NEK1: variants seen among roughly 807,000 people sequenced by gnomAD.
NEK1 encodes the protein serine/threonine-protein kinase Nek1.
NEK1 carries 137 observed loss-of-function variants against 182.1 expected under a neutral mutation model. The observed-to-expected ratio is 0.75, with a 90% CI of 0.65 to 0.87. The LOEUF is 0.87. Among genes scored for constraint, NEK1 ranks in the 40% least tolerant of loss-of-function variants. The pLI is 0.00. For missense variants in NEK1, 1,391 were observed against 1,494.4 expected (o/e 0.93, Z 1.14); for synonymous variants, 513 against 492.2 (o/e 1.04, Z -0.56).
chr4:169,426,174 A>G lies in NEK1; in HGVS notation c.2946T>C (p.Thr982=), dbSNP rs903529685. The change falls in exon 30 of 36, where the codon ACT becomes ACC. Residue 982 remains threonine, a synonymous_variant. Transcript: ENST00000507142. ...TATGAATGTCACTAAGTTGGTCCAC[A>G]GTACTCGAGACTCCATCTTCAGAAA... ...NEVSEDGVSS[T]VDQLSDIHIE... 5 of 1,613,602 alleles carry G rather than the reference A, an allele frequency of 3.1e-6. No individual in the cohort carries two copies. Among genetic ancestry groups the G allele is most frequent in the Non-Finnish European group, 4.2e-6 (5 of 1,179,760 alleles).
intron 19 of NEK1, among the ~76,000 whole-genome samples, chr4:169,534,645 G>A (rs1341671042): frequency 6.6e-6 from 1 of 152,170 alleles, no homozygotes; most frequent in African/African-American, 2.4e-5. Context: ...ATTCAAAAGA[G>A]TAGTGCTATA....
chr4:169,559,351 T>G (rs559890060), intron 16 of NEK1, among the ~76,000 whole-genome samples: 2 of 152,328 alleles, frequency 1.3e-5, no homozygotes, highest in East Asian at 3.9e-4. Context: ...GTTAGTTATT[T>G]TAGAATGGAC....
At chr4:169,561,015 T>G (rs867538615) in intron 16 of NEK1, among the ~76,000 whole-genome samples, 1 of 152,132 alleles carries the variant, frequency 6.6e-6, no homozygotes. Context: ...AAACCACATA[T>G]AGTAATGAAA....
At chr4:169,527,301 A>G (rs546098400) in intron 19 of NEK1, among the ~76,000 whole-genome samples, 38 of 152,330 alleles carry the variant, frequency 2.5e-4, no homozygotes, top group African/African-American at 8.4e-4. Flanking sequence ...CTGATCTCTA[A>G]GAGCTGCTAA....
intron 30 of NEK1, among the ~76,000 whole-genome samples, chr4:169,425,768 T>C (rs552355732): frequency 1.3e-5 from 2 of 152,148 alleles, no homozygotes; most frequent in Non-Finnish European, 2.9e-5. Context: ...TCCTCCCACC[T>C]CAGCCTCCCA....
chr4:169,590,590 A>T (rs1380390360), intron 6 of NEK1, 136 bp downstream of exon 6: 1 of 573,058 alleles, frequency 1.7e-6, no homozygotes, highest in African/African-American at 1.9e-5. Context: ...CAGGATGCAG[A>T]TGAATAGGAT....
At chr4:169,456,419 A>G (rs1742893152) in intron 27 of NEK1, among the ~76,000 whole-genome samples, 2 of 152,194 alleles carry the variant, frequency 1.3e-5, no homozygotes, top group South Asian at 4.1e-4. Flanking sequence ...AAATGAAATC[A>G]AAAGTTGGCT....
chr4:169,475,548 T>C (rs1440838441), intron 26 of NEK1, among the ~76,000 whole-genome samples: 1 of 151,984 alleles, frequency 6.6e-6, no homozygotes, highest in African/African-American at 2.4e-5. Context: ...CAAGGTAAAA[T>C]GCAAAATGTC....
intron 9 of NEK1, among the ~76,000 whole-genome samples, chr4:169,586,609 A>C (rs542744164): frequency 6.6e-6 from 1 of 152,188 alleles, no homozygotes; most frequent in East Asian, 1.9e-4. Context: ...CCAATGGTTT[A>C]AAGCTCAAAT....
chr4:169,593,861 C>T (rs907473763), intron 5 of NEK1, among the ~76,000 whole-genome samples: 2 of 151,972 alleles, frequency 1.3e-5, no homozygotes, highest in Non-Finnish European at 1.5e-5. Context: ...TGATGGCGGG[C>T]GCCTGTAGTC....
chr4:169,472,800 C>T (rs184937635), intron 26 of NEK1, among the ~76,000 whole-genome samples: 244 of 152,268 alleles, frequency 1.6e-3, no homozygotes, highest in Non-Finnish European at 2.9e-3. Flanking sequence ...AAATTACATG[C>T]TACATGACGG....
In NEK1 at chr4:169,426,136, T is replaced by G; in HGVS notation, c.2974+10A>C. ...CCAGAAAGTAATTAGACTAATGCAA[T>G]GATGCTTACCTATATGAATGTCACT... On this transcript the variant is annotated intron_variant, in intron 30 of 35. Transcript: ENST00000507142. 6.2e-7 allele frequency: 1 copy of G among 1,602,844 alleles called. No homozygotes were observed. The highest frequency in any genetic ancestry group is 8.5e-7 in the Non-Finnish European group (1 of 1,170,508).
chr4:169,415,369 C>T (rs771089055), intron 31 of NEK1, among the ~76,000 whole-genome samples: 41 of 152,154 alleles, frequency 2.7e-4, no homozygotes, highest in Non-Finnish European at 4.7e-4. Flanking sequence ...TTACAGAAAA[C>T]TCCAGTAGAG....
intron 29 of NEK1, among the ~76,000 whole-genome samples, chr4:169,427,514 TGA>T (rs1284621777): frequency 4.7e-5 from 7 of 149,532 alleles, no homozygotes; most frequent in African/African-American, 1.5e-4. Context: ...TATTTATTTT[TGA>T]GAGAGTCTCA....
chr4:169,413,413 T>G (rs1473999998), intron 31 of NEK1, among the ~76,000 whole-genome samples: 2 of 152,112 alleles, frequency 1.3e-5, no homozygotes, highest in Non-Finnish European at 2.9e-5. Context: ...GTTCAAGTGA[T>G]CCTCCTGCCT....
intron 28 of NEK1, among the ~76,000 whole-genome samples, chr4:169,434,697 G>A (rs1579584154): frequency 6.6e-6 from 1 of 151,980 alleles, no homozygotes; most frequent in Non-Finnish European, 1.5e-5. Context: ...TACTTCCCCT[G>A]GAATACAGAC....
At chr4:169,472,873 C>T (rs6829406) in intron 26 of NEK1, among the ~76,000 whole-genome samples, 18,623 of 152,080 alleles carry the variant, frequency 0.12, 1,268 homozygotes, top group East Asian at 0.17. Flanking sequence ...TAAAACAGAA[C>T]ACAGGCAAAT....
intron 26 of NEK1, among the ~76,000 whole-genome samples, chr4:169,464,617 TG>T (rs1221781142): frequency 6.6e-6 from 1 of 152,102 alleles, no homozygotes; most frequent in Non-Finnish European, 1.5e-5. Context: ...ATGCTCAACC[TG>T]TATTATGTTT....
chr4:169,513,003 A>AT (rs1754436687), intron 19 of NEK1, among the ~76,000 whole-genome samples: 1 of 152,138 alleles, frequency 6.6e-6, no homozygotes, highest in African/African-American at 2.4e-5. Context: ...TACTGTAGCT[A>AT]TAAGTTAGCC....
Sources: gnomAD v4.1 joint callset for allele counts (sites outside exome capture counted in the v4.1 genomes callset) on GRCh38, gnomAD v4.1.1 for gene constraint, MANE v1.5 for transcripts, NCBI Gene and HGNC (gene_info 2026-07-23, HGNC 2026-07-21) for gene names.